PDZD2: variants seen among roughly 807,000 people sequenced by gnomAD.
PDZD2 encodes the protein PDZ domain containing 2.
A neutral mutation model predicts 220.7 loss-of-function variants in PDZD2; 90 were observed. The ratio of observed to expected loss-of-function variants is 0.41; its 90% CI spans 0.34 to 0.49. PDZD2 has a LOEUF of 0.49. PDZD2 is among the 20% of genes least tolerant of loss of function. PDZD2 has a pLI of 0.28. For synonymous variants in PDZD2, 1,375 were observed against 1,450.5 expected (o/e 0.95, Z 1.18); for missense variants, 3,174 against 3,608.5 (o/e 0.88, Z 3.08).
chr5:31,810,348 C>T lies in PDZD2; in HGVS notation c.476+10624C>T, dbSNP rs573827165. Among the ~76,000 whole-genome samples the T allele has an allele frequency of 5.4e-4, 82 of 151,766 alleles. 1 individual carries two copies. Among genetic ancestry groups the T allele is most frequent in the African/African-American group, 1.7e-3 (71 of 41,344 alleles). On this transcript the variant is annotated intron_variant, in intron 2 of 24. Transcript: ENST00000438447. ...CGCGATCTCCGCTCACTGCAACCTC[C>T]GCCTCCCGGGTTCATGCAATTCTCC...
chr5:31,927,480 C>T lies in PDZD2; in HGVS notation c.477-55675C>T, dbSNP rs144975295. ...CTCACTGCAGCCTTCGCCTCCCAGGCTCAAGTGATTCTCCTGCTTCAGCCT... is the reference window on the plus strand; with the variant it reads ...CTCACTGCAGCCTTCGCCTCCCAGGTTCAAGTGATTCTCCTGCTTCAGCCT... On this transcript the variant is annotated intron_variant, in intron 2 of 24. Transcript: ENST00000438447. Among the ~76,000 whole-genome samples the T allele has an allele frequency of 6.2e-3, 948 of 152,234 alleles. 25 individuals are homozygous for T. Among genetic ancestry groups the T allele is most frequent in the East Asian group, 0.039 (200 of 5,160 alleles).
At chr5:31,674,408 T>C (rs1321727875) in intron 1 of PDZD2, among the ~76,000 whole-genome samples, 1 of 152,236 alleles carries the variant, frequency 6.6e-6, no homozygotes. Flanking sequence ...AATGAGAGTA[T>C]GGTGTTTCTC....
chr5:31,862,921 G>T (rs1307254716), intron 2 of PDZD2, among the ~76,000 whole-genome samples: 1 of 152,120 alleles, frequency 6.6e-6, no homozygotes, highest in Non-Finnish European at 1.5e-5. Flanking sequence ...TAGAGACAGG[G>T]TTTCACCATG....
chr5:31,643,074 G>A (rs1745007626), intron 1 of PDZD2, among the ~76,000 whole-genome samples: 1 of 152,198 alleles, frequency 6.6e-6, no homozygotes, highest in African/African-American at 2.4e-5. Flanking sequence ...TACTTCACAG[G>A]GTTGTTCTTA....
chr5:31,884,591 T>A (rs1335899980), intron 2 of PDZD2, among the ~76,000 whole-genome samples: 2 of 150,410 alleles, frequency 1.3e-5, no homozygotes, highest in African/African-American at 5.0e-5. Flanking sequence ...CATTGTATTG[T>A]GTTTTTTTTT....
intron 8 of PDZD2, among the ~76,000 whole-genome samples, chr5:32,049,741 A>G (rs1166409265): frequency 6.6e-6 from 1 of 152,184 alleles, no homozygotes; most frequent in Non-Finnish European, 1.5e-5. Flanking sequence ...ACAATTGCTC[A>G]TCAGCCCATT....
intron 8 of PDZD2, among the ~76,000 whole-genome samples, chr5:32,050,361 A>G (rs1287085307): frequency 6.6e-6 from 1 of 152,210 alleles, no homozygotes; most frequent in Non-Finnish European, 1.5e-5. Context: ...ATCCATTTTT[A>G]ACCACACTTC....
chr5:31,967,548 T>G (rs751755565), intron 2 of PDZD2, among the ~76,000 whole-genome samples: 11 of 152,204 alleles, frequency 7.2e-5, no homozygotes, highest in African/African-American at 2.7e-4. Context: ...GACACACTTT[T>G]CAGGGTGTGG....
intron 2 of PDZD2, among the ~76,000 whole-genome samples, chr5:31,845,569 T>G (rs552784391): frequency 1.3e-5 from 2 of 152,296 alleles, no homozygotes; most frequent in South Asian, 4.1e-4. Context: ...CTTTGCATAT[T>G]TGTGGGCAAA....
At chr5:32,022,648 G>T (rs1754314427) in intron 6 of PDZD2, among the ~76,000 whole-genome samples, 1 of 152,026 alleles carries the variant, frequency 6.6e-6, no homozygotes, top group Non-Finnish European at 1.5e-5. Context: ...CTATTCCATA[G>T]GACTTCCACA....
chr5:31,820,097 C>T (rs1580820640), intron 2 of PDZD2, among the ~76,000 whole-genome samples: 3 of 152,126 alleles, frequency 2.0e-5, no homozygotes, highest in South Asian at 2.1e-4. Flanking sequence ...GGGCTGGGTC[C>T]GGTAATGAGG....
intron 2 of PDZD2, among the ~76,000 whole-genome samples, chr5:31,974,009 C>G (rs950877459): frequency 5.9e-5 from 9 of 152,178 alleles, no homozygotes; most frequent in Non-Finnish European, 5.9e-5. Flanking sequence ...GAGACAGAGT[C>G]TCACTCCGTC....
intron 20 of PDZD2, among the ~76,000 whole-genome samples, chr5:32,092,689 A>G (rs1259617296): frequency 1.3e-5 from 2 of 152,250 alleles, no homozygotes; most frequent in Non-Finnish European, 2.9e-5. Flanking sequence ...CTCTGAATTC[A>G]TAGCAGTTCC....
At chr5:32,050,644 C>G (rs879623669) in intron 8 of PDZD2, among the ~76,000 whole-genome samples, 1 of 152,076 alleles carries the variant, frequency 6.6e-6, no homozygotes, top group Non-Finnish European at 1.5e-5. Flanking sequence ...ATGGCAAGAC[C>G]TTATCTTTAC....
chr5:31,652,849 A>G (rs920928318), intron 1 of PDZD2, among the ~76,000 whole-genome samples: 1 of 152,146 alleles, frequency 6.6e-6, no homozygotes, highest in African/African-American at 2.4e-5. Flanking sequence ...CACTTCTGCT[A>G]AAAATACAGA....
At chr5:31,950,033 C>T (rs1243851737) in intron 2 of PDZD2, among the ~76,000 whole-genome samples, 1 of 152,086 alleles carries the variant, frequency 6.6e-6, no homozygotes, top group Admixed American at 6.6e-5. Flanking sequence ...TATATGCAGT[C>T]TTATCCAGAA....
intron 1 of PDZD2, among the ~76,000 whole-genome samples, chr5:31,776,504 G>A (rs1165410626): frequency 6.7e-6 from 1 of 148,942 alleles, no homozygotes; most frequent in African/African-American, 2.5e-5. Flanking sequence ...ATTTTTAGTA[G>A]AGACAGGTTA....
intron 1 of PDZD2, among the ~76,000 whole-genome samples, chr5:31,696,036 A>G (rs1747364424): frequency 1.3e-5 from 2 of 152,052 alleles, no homozygotes; most frequent in Admixed American, 1.3e-4. Context: ...CCAGCATTCC[A>G]GTGCCCCCCT....
chr5:31,883,619 A>ATTT (rs34170782), intron 2 of PDZD2, among the ~76,000 whole-genome samples: 2 of 133,618 alleles, frequency 1.5e-5, no homozygotes, highest in Admixed American at 7.5e-5. Flanking sequence ...ATCCTCTGTA[A>ATTT]TTTTTTTTTT....
Sources: gnomAD v4.1 joint callset for allele counts (sites outside exome capture counted in the v4.1 genomes callset) on GRCh38, gnomAD v4.1.1 for gene constraint, MANE v1.5 for transcripts, NCBI Gene and HGNC (gene_info 2026-07-23, HGNC 2026-07-21) for gene names.